The following METTL9 variants were observed in gnomAD, a reference collection of about 807,000 sequenced individuals.
METTL9 encodes methyltransferase 9, His-X-His N1(pi)-histidine, also known as protein-L-histidine N-pros-methyltransferase.
A neutral mutation model predicts 36.0 loss-of-function variants in METTL9; 10 were observed. The ratio of observed to expected loss-of-function variants is 0.28; its 90% CI spans 0.17 to 0.47. The LOEUF (loss-of-function observed/expected upper bound fraction) is 0.47, where lower values mean the gene tolerates loss of function less well. METTL9 is among the 20% of genes least tolerant of loss of function. The pLI, the probability that METTL9 is intolerant of heterozygous loss-of-function variation, is 0.99. For synonymous variants in METTL9, 175 were observed against 149.7 expected (o/e 1.17, Z -1.23); for missense variants, 246 against 383.5 (o/e 0.64, Z 3.00).
chr16:21,600,160 C>G (rs1053809477), intron 1 of METTL9, among the ~76,000 whole-genome samples: 1 of 152,120 alleles, frequency 6.6e-6, no homozygotes, highest in South Asian at 2.1e-4. Flanking sequence ...GTGAGCGGCC[C>G]GGAGCCCCGC....
At chr16:21,634,944 A>G (rs1289140736) in intron 4 of METTL9, among the ~76,000 whole-genome samples, 1 of 152,184 alleles carries the variant, frequency 6.6e-6, no homozygotes, top group Non-Finnish European at 1.5e-5. Context: ...ATCTGCATCA[A>G]GGTCCCAGTG....
rs116852501 is a variant in METTL9, at chr16:21,613,068, G to A, written c.356+233G>A. Among the ~76,000 whole-genome samples the A allele has an allele frequency of 9.0e-3, 1,355 of 151,032 alleles. 48 individuals are homozygous for A. Among genetic ancestry groups the A allele is most frequent in the East Asian group, 0.083 (427 of 5,122 alleles). On this transcript the variant is annotated intron_variant, in intron 2 of 4. Transcript: ENST00000358154. ...TTTATTCATAGCGGGAGTTACTTAC[G>A]GTAGTGCTTCTTGGCTTTGATGTAC...
At chr16:21,642,053 A>G (rs1014795738) in intron 4 of METTL9, 4 of 152,432 alleles carry the variant, frequency 2.6e-5, no homozygotes, top group African/African-American at 9.6e-5. Context: ...TTAGATTTTT[A>G]GCGCTTGCTT....
At chr16:21,633,808 T>A (rs1039951159) in intron 4 of METTL9, among the ~76,000 whole-genome samples, 5 of 152,230 alleles carry the variant, frequency 3.3e-5, no homozygotes, top group Non-Finnish European at 7.3e-5. Context: ...TAATCCTTTA[T>A]GAGCTTTAGG....
intron 4 of METTL9, chr16:21,643,270 C>A: frequency 1.3e-6 from 1 of 748,260 alleles, no homozygotes; most frequent in South Asian, 1.5e-5. Context: ...TACCCCCTCC[C>A]CCAACACATA....
intron 1 of METTL9, among the ~76,000 whole-genome samples, chr16:21,607,020 G>A (rs1965308496): frequency 6.6e-6 from 1 of 151,876 alleles, no homozygotes; most frequent in Non-Finnish European, 1.5e-5. Flanking sequence ...CTTTGAACGA[G>A]TGATTCATCA....
intron 4 of METTL9, chr16:21,641,348 G>A (rs1464761281): frequency 2.5e-6 from 1 of 398,566 alleles, no homozygotes. Flanking sequence ...GCATTTTGTT[G>A]GGTTTTAGTA....
At position 21,604,168 on chromosome 16, in the gene METTL9, G is replaced by A. The variant is rs1222088202; in HGVS notation, c.165+4270G>A. Among the ~76,000 whole-genome samples, 6 of 152,262 alleles carry A rather than the reference G, an allele frequency of 3.9e-5. No homozygotes were observed. In the East Asian group the frequency reaches 1.2e-3, roughly 29 times the overall value. On this transcript the variant is annotated intron_variant, in intron 1 of 4. Transcript: ENST00000358154. ...TGGCGTCCTTCTCTGAACTGCCTTC[G>A]AGAGTCTGGAGGCCTTTGCAGCTGA... is the stretch of plus-strand genomic sequence containing the variant.
intron 2 of METTL9, among the ~76,000 whole-genome samples, chr16:21,617,426 A>C (rs1965580567): frequency 1.4e-5 from 1 of 72,140 alleles, no homozygotes; most frequent in African/African-American, 8.8e-5. Flanking sequence ...GTCTCAAAAA[A>C]AAAAAGAAAA....
In METTL9 at chr16:21,599,719, C is replaced by T. The variant is rs1965051490; in HGVS notation, c.-15C>T. 2 of 1,483,058 alleles carry T rather than the reference C, an allele frequency of 1.3e-6. No homozygotes were observed. Among genetic ancestry groups the T allele is most frequent in the African/African-American group, 1.4e-5 (1 of 69,218 alleles). The allele number at this position is 1,483,058 out of a possible 1,614,324, so 91.9% of individuals were successfully genotyped here. A position where few individuals can be genotyped will look rare whatever the true frequency, so the allele number is the denominator to read the frequency against. On this transcript the variant is annotated 5_prime_UTR_variant, in exon 1 of 5. Coordinates refer to ENST00000358154, the MANE Select transcript of METTL9 (RefSeq NM_016025.5). This position sits in a 1 kb window ranked among gnomAD's most constrained non-coding sequence, Gnocchi z 4.4. ...CGGCGCCGGCGGTGATCCGAGCGAGCGGCCGCGGCCCCCGATGAGACTGCT... is the reference window on the plus strand; with the variant it reads ...CGGCGCCGGCGGTGATCCGAGCGAGTGGCCGCGGCCCCCGATGAGACTGCT...
intron 4 of METTL9, among the ~76,000 whole-genome samples, chr16:21,634,629 G>T (rs550787931): frequency 1.3e-5 from 2 of 152,254 alleles, no homozygotes; most frequent in South Asian, 4.1e-4. Flanking sequence ...CACCGAGGTT[G>T]CCAGGTTAAT....
intron 2 of METTL9, among the ~76,000 whole-genome samples, 185 bp from the exon 3 acceptor site, chr16:21,617,680 G>GATC (rs1965588245): frequency 6.6e-6 from 1 of 151,766 alleles, no homozygotes; most frequent in Non-Finnish European, 1.5e-5. Context: ...AGTGAGCCGA[G>GATC]ATCATGCCAC....
chr16:21,599,850 C>T lies in METTL9; in HGVS notation c.117C>T (p.Gly39=). The T allele has an allele frequency of 6.6e-7, 1 of 1,511,480 alleles. No individual in the cohort carries two copies. The highest frequency in any genetic ancestry group is 8.8e-7 in the Non-Finnish European group (1 of 1,136,358). The allele number at this position is 1,511,480 out of a possible 1,614,324, so 93.6% of individuals were successfully genotyped here. A position where few individuals can be genotyped will look rare whatever the true frequency, so the allele number is the denominator to read the frequency against. The change falls in exon 1 of 5, where the codon GGC becomes GGT. Residue 39 remains glycine (G), a synonymous_variant. Transcript: ENST00000358154. This position sits in a 1 kb window ranked among gnomAD's most constrained non-coding sequence, Gnocchi z 4.4. ...CCCTGTACGTGAACATGACTAGCGGCCCGGGTGGGCCGGCGGCGGCCGCGG... is the reference window on the plus strand; with the variant it reads ...CCCTGTACGTGAACATGACTAGCGGTCCGGGTGGGCCGGCGGCGGCCGCGG... ...TRSLYVNMTS[G]PGGPAAAAGG...
chr16:21,631,142 G>C (rs1412706927), intron 4 of METTL9, among the ~76,000 whole-genome samples: 3 of 152,158 alleles, frequency 2.0e-5, no homozygotes, highest in African/African-American at 7.2e-5. Flanking sequence ...GTGTGTAATA[G>C]TAGGATAATG....
intron 3 of METTL9, among the ~76,000 whole-genome samples, chr16:21,620,160 G>C (rs1193770497): frequency 1.3e-5 from 2 of 152,138 alleles, no homozygotes; most frequent in Non-Finnish European, 2.9e-5. Context: ...TTCCTAGCTT[G>C]AACTGTTTAA....
intron 2 of METTL9, among the ~76,000 whole-genome samples, chr16:21,614,301 T>G (rs1046035364): frequency 2.0e-5 from 3 of 152,176 alleles, no homozygotes; most frequent in Admixed American, 1.3e-4. Context: ...GTCCTGTAGC[T>G]CTTTGAAAGT....
intron 4 of METTL9, among the ~76,000 whole-genome samples, chr16:21,637,007 CT>C (rs1966115516): frequency 6.6e-6 from 1 of 152,082 alleles, no homozygotes; most frequent in Admixed American, 6.5e-5. Flanking sequence ...AGCTGCAGAC[CT>C]TTGCAGTGAG....
chr16:21,647,333 T>C (rs1201428304), intron 4 of METTL9: 2 of 1,614,216 alleles, frequency 1.2e-6, no homozygotes, highest in African/African-American at 2.7e-5. Flanking sequence ...GCACAGGTTC[T>C]CAGGCTGGTG....
intron 4 of METTL9, among the ~76,000 whole-genome samples, chr16:21,651,595 C>T (rs1460996059): frequency 6.6e-6 from 1 of 152,076 alleles, no homozygotes. Flanking sequence ...ACCACCACGC[C>T]CAGCCCAAAG....
Sources: allele counts gnomAD v4.1 joint callset (sites outside exome capture counted in the v4.1 genomes callset), GRCh38; gene constraint gnomAD v4.1.1; non-coding constraint Gnocchi (gnomAD v3.1); transcripts MANE v1.5; gene names NCBI Gene and HGNC (gene_info 2026-07-23, HGNC 2026-07-21).